Variants in UBAC2 observed in about 807,000 individuals in gnomAD.
The protein encoded by UBAC2 is ubiquitin-associated domain-containing protein 2.
A neutral mutation model predicts 44.0 loss-of-function variants in UBAC2; 26 were observed. The ratio of observed to expected loss-of-function variants is 0.59; its 90% CI spans 0.43 to 0.82. The LOEUF (loss-of-function observed/expected upper bound fraction) is 0.82, where lower values mean the gene tolerates loss of function less well. UBAC2 is among the 40% of genes least tolerant of loss of function. UBAC2 has a pLI of 0.00. For synonymous variants in UBAC2, 155 were observed against 154.3 expected, an observed-to-expected ratio of 1.00 and a Z score of -0.04; for missense variants, 329 against 419.4, an observed-to-expected ratio of 0.78 and a Z score of 1.88.
chr13:99,370,737 A>G (rs2138903938), intron 8 of UBAC2, among the ~76,000 whole-genome samples: 1 of 152,250 alleles, frequency 6.6e-6, no homozygotes, highest in Non-Finnish European at 1.5e-5. Context: ...GTGCCCATTG[A>G]CTTGATCCAG....
chr13:99,264,703 C>T (rs952383144), intron 4 of UBAC2, among the ~76,000 whole-genome samples: 1 of 152,200 alleles, frequency 6.6e-6, no homozygotes, highest in African/African-American at 2.4e-5. Context: ...GATTTGAAGG[C>T]ATTCCTCTCC....
chr13:99,341,394 G>GCATCTCCA (rs1191401128), intron 7 of UBAC2, among the ~76,000 whole-genome samples: 18 of 93,386 alleles, frequency 1.9e-4, no homozygotes, highest in Non-Finnish European at 3.1e-4. Context: ...TCCCATTGGA[G>GCATCTCCA]ATGCAGGTCC....
intron 4 of UBAC2, chr13:99,255,477 A>G (rs775445604): frequency 1.2e-6 from 2 of 1,613,988 alleles, no homozygotes; most frequent in African/African-American, 1.3e-5. Context: ...ACGTGTTTTT[A>G]AGTTCTTTGG....
In UBAC2 at chr13:99,367,852, G is replaced by A. The variant is rs1229231063; in HGVS notation, c.873G>A (p.Gln291=). The change falls in exon 8 of 9, where the codon CAG becomes CAA. Residue 291 remains glutamine, a synonymous_variant. Coordinates refer to ENST00000403766, the MANE Select transcript of UBAC2 (RefSeq NM_001144072.2). The stretch of plus-strand genomic sequence containing the variant: ...GTCAGCGACAAAACGTAAACTATCA[G>A]GGCGGTCGGCAGTCTGAGCCAGCAG... ...PLRQRQNVNY[Q]GGRQSEPAAP... The A allele has an allele frequency of 6.2e-7, 1 of 1,613,954 alleles. No homozygotes were observed. Among genetic ancestry groups the A allele is most frequent in the Admixed American group, 1.7e-5 (1 of 60,028 alleles).
chr13:99,242,292 CCTCACCT>C (rs1172878730), intron 2 of UBAC2, among the ~76,000 whole-genome samples: 1 of 152,084 alleles, frequency 6.6e-6, no homozygotes, highest in Non-Finnish European at 1.5e-5. Context: ...CAGAGGTGCC[CCTCACCT>C]CCCGGACGGG....
chr13:99,257,993 G>T (rs778122070), intron 4 of UBAC2, among the ~76,000 whole-genome samples: 1 of 152,150 alleles, frequency 6.6e-6, no homozygotes, highest in East Asian at 1.9e-4. Context: ...TGGTGCTCCT[G>T]GGCACAACTG....
chr13:99,374,779 G>A (rs960108752), intron 8 of UBAC2, among the ~76,000 whole-genome samples: 3 of 152,206 alleles, frequency 2.0e-5, no homozygotes, highest in Non-Finnish European at 2.9e-5. Context: ...AGCCTCCCAT[G>A]GCGTCTGGTC....
chr13:99,337,458 T>C (rs2044805526), intron 6 of UBAC2, among the ~76,000 whole-genome samples: 1 of 152,198 alleles, frequency 6.6e-6, no homozygotes. Flanking sequence ...CTAAACAGTC[T>C]GTATTTTATC....
At chr13:99,340,603 T>C in intron 7 of UBAC2, 38 bp downstream of exon 7, 2 of 1,591,466 alleles carry the variant, frequency 1.3e-6, no homozygotes, top group Non-Finnish European at 1.7e-6. Context: ...TTAGAAATTC[T>C]CAGTGGCCCA....
chr13:99,290,104 C>T (rs949995363), intron 4 of UBAC2, among the ~76,000 whole-genome samples: 10 of 151,082 alleles, frequency 6.6e-5, no homozygotes, highest in Admixed American at 5.3e-4. Context: ...TAGAGCCTGG[C>T]TCCCCACTTG....
chr13:99,373,710 G>A (rs571625692), intron 8 of UBAC2, among the ~76,000 whole-genome samples: 2 of 152,310 alleles, frequency 1.3e-5, no homozygotes, highest in South Asian at 2.1e-4. Context: ...TGGGTGGGCT[G>A]GAGTAGAGGG....
At chr13:99,385,195 G>A (rs769138130) in intron 8 of UBAC2, 33 bp from the exon 9 acceptor site, 30 of 1,497,764 alleles carry the variant, frequency 2.0e-5, no homozygotes, top group East Asian at 6.8e-5. Flanking sequence ...CAATGTCAGC[G>A]CCCTCAGGTT....
intron 8 of UBAC2, among the ~76,000 whole-genome samples, chr13:99,378,386 G>A (rs774400927): frequency 6.6e-6 from 1 of 152,094 alleles, no homozygotes; most frequent in Non-Finnish European, 1.5e-5. Flanking sequence ...AATTAGCCAG[G>A]CATGGTGGCA....
At chr13:99,315,254 G>A (rs1389565242) in intron 5 of UBAC2, among the ~76,000 whole-genome samples, 1 of 152,060 alleles carries the variant, frequency 6.6e-6, no homozygotes, top group East Asian at 1.9e-4. Context: ...TTCTGCATTT[G>A]ATTCTTATGA....
intron 4 of UBAC2, 80 bp from the exon 5 acceptor site, chr13:99,314,017 C>A: frequency 1.5e-6 from 2 of 1,298,918 alleles, no homozygotes; most frequent in East Asian, 2.4e-5. Flanking sequence ...AAATTATAAG[C>A]AGTGTTACTT....
intron 6 of UBAC2, among the ~76,000 whole-genome samples, chr13:99,334,058 C>G (rs1411673270): frequency 1.3e-5 from 2 of 152,138 alleles, no homozygotes; most frequent in South Asian, 2.1e-4. Context: ...GTGACCCTCC[C>G]ACATCAGCCT....
At chr13:99,250,777 C>T (rs2043448502) in intron 4 of UBAC2, among the ~76,000 whole-genome samples, 2 of 151,780 alleles carry the variant, frequency 1.3e-5, no homozygotes, top group South Asian at 4.2e-4. Flanking sequence ...GACGGAGTCT[C>T]ACTCTGTCAC....
chr13:99,360,686 CTT>C (rs1306825659), intron 7 of UBAC2, among the ~76,000 whole-genome samples: 1 of 152,188 alleles, frequency 6.6e-6, no homozygotes, highest in Non-Finnish European at 1.5e-5. Context: ...AAATCATTCT[CTT>C]TTAATATTCA....
At chr13:99,264,973 T>TG (rs2043722009) in intron 4 of UBAC2, among the ~76,000 whole-genome samples, 2 of 151,934 alleles carry the variant, frequency 1.3e-5, no homozygotes. Context: ...CGCTGTTTTT[T>TG]TTTTTTTTTT....
Sources: allele counts gnomAD v4.1 joint callset (sites outside exome capture counted in the v4.1 genomes callset), GRCh38; gene constraint gnomAD v4.1.1; transcripts MANE v1.5; gene names NCBI Gene and HGNC (gene_info 2026-07-23, HGNC 2026-07-21).